OR5V1: variants seen among roughly 807,000 people sequenced by gnomAD.
The protein encoded by OR5V1 is olfactory receptor 5V1.
For synonymous variants in OR5V1, 134 were observed against 143.2 expected (o/e 0.94, Z 0.46); for missense variants, 365 against 371.5 (o/e 0.98, Z 0.14).
chr6:29,365,363 A>G (rs1355517221), intron 1 of OR5V1, among the ~76,000 whole-genome samples: 2 of 152,084 alleles, frequency 1.3e-5, no homozygotes, highest in African/African-American at 2.4e-5. Flanking sequence ...CGGACTGAAC[A>G]GGAAACCTAC....
At chr6:29,361,175 G>A (rs1778548387) in intron 1 of OR5V1, among the ~76,000 whole-genome samples, 1 of 151,910 alleles carries the variant, frequency 6.6e-6, no homozygotes, top group Admixed American at 6.6e-5. Context: ...CAGAAGAAAG[G>A]ATATCAGAGA....
At chr6:29,361,622 A>T (rs749060521) in intron 1 of OR5V1, among the ~76,000 whole-genome samples, 4 of 152,154 alleles carry the variant, frequency 2.6e-5, no homozygotes, top group Non-Finnish European at 4.4e-5. Flanking sequence ...AGTGGGGACC[A>T]ATATTCAACA....
chr6:29,359,160 A>C (rs571259438), intron 1 of OR5V1, among the ~76,000 whole-genome samples: 4 of 152,304 alleles, frequency 2.6e-5, no homozygotes, highest in African/African-American at 7.2e-5. Context: ...AAGAAGGATA[A>C]ATTAAGGATA....
At chr6:29,359,317 A>T (rs1163177612) in intron 1 of OR5V1, among the ~76,000 whole-genome samples, 1 of 152,214 alleles carries the variant, frequency 6.6e-6, no homozygotes, top group Non-Finnish European at 1.5e-5. Flanking sequence ...CAAGTAAAAA[A>T]TTTTAAAATA....
intron 1 of OR5V1, among the ~76,000 whole-genome samples, chr6:29,365,353 C>T (rs919033394): frequency 2.7e-5 from 4 of 150,350 alleles, no homozygotes; most frequent in Non-Finnish European, 5.9e-5. Flanking sequence ...AAACTATCAT[C>T]GGACTGAACA....
intron 1 of OR5V1, among the ~76,000 whole-genome samples, chr6:29,360,417 C>T (rs545660924): frequency 3.9e-5 from 6 of 152,342 alleles, no homozygotes; most frequent in Admixed American, 2.0e-4. Flanking sequence ...CCCAGCACAG[C>T]GCTCAAGCTC....
chr6:29,359,748 A>G (rs1778479435), intron 1 of OR5V1, among the ~76,000 whole-genome samples: 1 of 152,190 alleles, frequency 6.6e-6, no homozygotes, highest in Admixed American at 6.5e-5. Context: ...ATTCACCCAC[A>G]TACTACACCT....
Position 29,368,764 on chromosome 6 carries a change from G to C in OR5V1, c.-215C>G, listed in dbSNP as rs1778981106. ...AGTCTGTGCTGATAAACTTCTGAGT[G>C]ATGGGTTTTCTAGGTGAGTGCCAAG... On this transcript the variant is annotated 5_prime_UTR_variant, in exon 1 of 2. It adds an upstream start codon to the 5' untranslated region. Transcript: ENST00000641768. 6.6e-6 allele frequency: 1 copy of C among 152,202 alleles called. No individual in the cohort carries two copies. Among genetic ancestry groups the C allele is most frequent in the Non-Finnish European group, 1.5e-5 (1 of 68,056 alleles). The allele number at this position is 152,202 out of a possible 1,614,324, so 9.4% of individuals were successfully genotyped here. A position where few individuals can be genotyped will look rare whatever the true frequency, so the allele number is the denominator to read the frequency against.
At chr6:29,367,696 A>G (rs1025088086) in intron 1 of OR5V1, among the ~76,000 whole-genome samples, 4 of 152,138 alleles carry the variant, frequency 2.6e-5, no homozygotes, top group Non-Finnish European at 5.9e-5. Flanking sequence ...TCTATTTCCA[A>G]ATCTAGAACA....
chr6:29,360,140 G>A (rs1013505293), intron 1 of OR5V1, among the ~76,000 whole-genome samples: 6 of 152,196 alleles, frequency 3.9e-5, no homozygotes, highest in African/African-American at 1.4e-4. Context: ...CAGTGCTAAG[G>A]AGGCCTGGAA....
intron 1 of OR5V1, among the ~76,000 whole-genome samples, chr6:29,360,332 C>T (rs1426115272): frequency 2.6e-5 from 4 of 152,310 alleles, no homozygotes; most frequent in Non-Finnish European, 4.4e-5. Flanking sequence ...CAGCTGTGGG[C>T]GCAGCTTCAT....
rs762885514 is a variant in OR5V1, at chr6:29,355,434, G to A, written c.762C>T (p.Ser254=). The A allele has an allele frequency of 1.2e-5, 20 of 1,613,596 alleles. No homozygotes were observed. In the African/African-American group the frequency reaches 1.5e-4, roughly 12 times the overall value. ...HLAIVFLFYG[S]AIFTYVRPIS... is the part of the protein sequence containing the mutation. Reference sequence around the variant, plus strand: ...TGGGCCGTACATATGTAAAGATGGCGCTGCCATAAAAGAGAAAGACAATGG... The same window carrying A: ...TGGGCCGTACATATGTAAAGATGGCACTGCCATAAAAGAGAAAGACAATGG... The change falls in exon 2 of 2, where the codon AGC becomes AGT. Residue 254 remains serine, a synonymous_variant. Coordinates refer to ENST00000641768, the MANE Select transcript of OR5V1 (RefSeq NM_030876.6).
chr6:29,362,617 C>T (rs1778622019), intron 1 of OR5V1, among the ~76,000 whole-genome samples: 1 of 152,172 alleles, frequency 6.6e-6, no homozygotes. Context: ...CAAATTAGAA[C>T]TCAGCATTAA....
chr6:29,359,345 A>G (rs1353688100), intron 1 of OR5V1, among the ~76,000 whole-genome samples: 4 of 152,220 alleles, frequency 2.6e-5, no homozygotes, highest in African/African-American at 7.2e-5. Context: ...GAGAAATTAA[A>G]TAATTTGCCT....
intron 1 of OR5V1, among the ~76,000 whole-genome samples, chr6:29,362,084 G>C (rs1402573136): frequency 6.6e-6 from 1 of 151,942 alleles, no homozygotes; most frequent in Non-Finnish European, 1.5e-5. Context: ...CAAAGGGACA[G>C]AGAAATATTT....
rs540027603 is a variant in OR5V1, at chr6:29,355,297, G to T, written c.899C>A (p.Ala300Asp). The change falls in exon 2 of 2, where the codon GCT becomes GAT. Residue 300 changes from alanine (A) to aspartate (D), a missense_variant. Ala to Asp is a moderately radical substitution (Grantham distance 126). Coordinates refer to ENST00000641768, the MANE Select transcript of OR5V1 (RefSeq NM_030876.6). ...YTLRNKDIKE[A>D]VKTIGSKWQP... ...CCACTTGCTCCCTATAGTTTTGACA[G>T]CTTCTTTGATGTCCTTATTCCTCAA... 1 of 1,613,204 alleles carries T rather than the reference G, an allele frequency of 6.2e-7. No homozygotes were observed. The highest frequency in any genetic ancestry group is 1.3e-5 in the African/African-American group (1 of 75,008).
chr6:29,356,072 T>C lies in OR5V1; in HGVS notation c.124A>G (p.Asn42Asp). The part of the protein sequence containing the change: ...FLTYFCTLGG[N>D]ILIILTTVTD... ...ACAGTCGTCAAGATAATTAATATAT[T>C]TCCTCCCAAAGTACAGAAATAAGTC... is the stretch of plus-strand genomic sequence containing the variant. The change falls in exon 2 of 2, where the codon AAT becomes GAT. Residue 42 changes from asparagine to aspartate, a missense_variant. Physicochemically the swap from Asn to Asp is conservative, Grantham distance 23. Coordinates refer to ENST00000641768, the MANE Select transcript of OR5V1 (RefSeq NM_030876.6). 6.2e-7 allele frequency: 1 copy of C among 1,613,974 alleles called. No individual in the cohort carries two copies. The highest frequency in any genetic ancestry group is 8.5e-7 in the Non-Finnish European group (1 of 1,179,938).
At chr6:29,361,688 T>G (rs921818682) in intron 1 of OR5V1, among the ~76,000 whole-genome samples, 4 of 152,100 alleles carry the variant, frequency 2.6e-5, no homozygotes, top group African/African-American at 9.7e-5. Flanking sequence ...AAACTAAGCT[T>G]CATAAGTGCA....
chr6:29,358,946 T>C (rs1380208965), intron 1 of OR5V1, among the ~76,000 whole-genome samples: 2 of 146,724 alleles, frequency 1.4e-5, no homozygotes, highest in Non-Finnish European at 3.1e-5. Context: ...TTTTAAATAT[T>C]TTCCCCACAA....
Sources: allele counts gnomAD v4.1 joint callset (sites outside exome capture counted in the v4.1 genomes callset), GRCh38; gene constraint gnomAD v4.1.1; transcripts MANE v1.5; gene names NCBI Gene and HGNC (gene_info 2026-07-23, HGNC 2026-07-21).